TAFA4: variants seen among roughly 807,000 people sequenced by gnomAD.
The protein encoded by TAFA4 is TAFA chemokine like family member 4, also known as chemokine-like protein TAFA-4.
TAFA4 carries 20 observed loss-of-function variants against 21.1 expected under a neutral mutation model. That is an observed-to-expected ratio of 0.95 (90% CI 0.67 to 1.38). The LOEUF (loss-of-function observed/expected upper bound fraction) is 1.38. TAFA4 is among the 40% of genes most tolerant of loss of function. The pLI is 0.00. For missense variants in TAFA4, 211 were observed against 180.9 expected, an observed-to-expected ratio of 1.17 and a Z score of -0.95; for synonymous variants, 71 against 67.4, an observed-to-expected ratio of 1.05 and a Z score of -0.26.
intron 5 of TAFA4, among the ~76,000 whole-genome samples, chr3:68,736,507 T>G (rs1702243567): frequency 6.6e-6 from 1 of 152,178 alleles, no homozygotes; most frequent in Non-Finnish European, 1.5e-5. Context: ...AAAATAAAAT[T>G]CTGACATAGC....
At chr3:68,896,482 T>C (rs2089789950) in intron 1 of TAFA4, among the ~76,000 whole-genome samples, 1 of 152,184 alleles carries the variant, frequency 6.6e-6, no homozygotes, top group Admixed American at 6.5e-5. Context: ...AGTCTGTGAA[T>C]GAATGAATGC....
At chr3:68,849,852 T>C (rs1671719520) in intron 3 of TAFA4, among the ~76,000 whole-genome samples, 1 of 152,216 alleles carries the variant, frequency 6.6e-6, no homozygotes, top group Non-Finnish European at 1.5e-5. Context: ...TCAACAGCCC[T>C]CAACAGGTTC....
rs2089607995 is a variant in TAFA4, at chr3:68,880,764, C to T, written c.96G>A (p.Met32Ile). Residue 32 changes from methionine to isoleucine, a missense_variant, in exon 3 of 6, where the codon ATG (methionine) becomes ATA (isoleucine). Met to Ile is a conservative substitution (Grantham distance 10). Coordinates refer to ENST00000295569, the MANE Select transcript of TAFA4 (RefSeq NM_182522.5). Reference protein sequence around the residue: ...AYVLMVCCKLMSASSQHLRGH... With the variant: ...AYVLMVCCKLISASSQHLRGH... Reference sequence around the variant, plus strand: ...CCCGGAGGTGCTGGCTTGAGGCGGACATCAGCTTACAGCACACCATTAACA... The same window carrying T: ...CCCGGAGGTGCTGGCTTGAGGCGGATATCAGCTTACAGCACACCATTAACA... 1.9e-6 allele frequency: 3 copies of T among 1,613,930 alleles called. No individual in the cohort carries two copies. Among genetic ancestry groups the T allele is most frequent in the Non-Finnish European group, 1.7e-6 (2 of 1,179,960 alleles).
Position 68,789,558 on chromosome 3 carries a change from A to G in TAFA4, c.131-36540T>C, listed in dbSNP as rs186244301. On this transcript the variant is annotated intron_variant, in intron 3 of 5. Transcript: ENST00000295569. Reference sequence around the variant, plus strand: ...AAATATATGTAATTTTTATTTGTCAATTGTGCCTTAATAAAGCTGGGGGAG... The same window carrying G: ...AAATATATGTAATTTTTATTTGTCAGTTGTGCCTTAATAAAGCTGGGGGAG... 1.6e-3 allele frequency among the ~76,000 whole-genome samples: 249 copies of G among 152,300 alleles called. 1 individual carries two copies. The highest frequency in any genetic ancestry group is 5.5e-3 in the African/African-American group (227 of 41,570).
At chr3:68,739,015 G>A (rs1702294884) in intron 5 of TAFA4, 60 bp downstream of exon 5, 10 of 1,594,748 alleles carry the variant, frequency 6.3e-6, no homozygotes, top group Admixed American at 1.7e-5. Context: ...ATAAAATCAA[G>A]GGGAGAAAGC....
chr3:68,861,403 T>G (rs2089342345), intron 3 of TAFA4, among the ~76,000 whole-genome samples: 1 of 152,086 alleles, frequency 6.6e-6, no homozygotes, highest in Non-Finnish European at 1.5e-5. Context: ...TTTGATTCAA[T>G]ATTCTCTCAT....
intron 3 of TAFA4, among the ~76,000 whole-genome samples, chr3:68,808,666 C>T (rs983436562): frequency 3.3e-5 from 5 of 152,144 alleles, no homozygotes; most frequent in African/African-American, 1.2e-4. Context: ...GTTCAATTTC[C>T]ACAAACACAC....
intron 3 of TAFA4, among the ~76,000 whole-genome samples, chr3:68,824,391 G>A (rs950514391): frequency 6.6e-6 from 1 of 152,106 alleles, no homozygotes; most frequent in Non-Finnish European, 1.5e-5. Context: ...CATGTTGCTT[G>A]GCTGTGGCCC....
rs142305679 is a variant in TAFA4 at position 68,803,168 on chromosome 3, G to A, written c.131-50150C>T. On this transcript the variant is annotated intron_variant, in intron 3 of 5. Coordinates refer to ENST00000295569, the MANE Select transcript of TAFA4 (RefSeq NM_182522.5). Reference sequence around the variant, plus strand: ...ATTATTTTGTAGTTACCAGGCTTCAGTAAATAAATACATGTGAGAGCCATC... The same window carrying A: ...ATTATTTTGTAGTTACCAGGCTTCAATAAATAAATACATGTGAGAGCCATC... Among the ~76,000 whole-genome samples, 449 of 152,244 alleles carry A rather than the reference G, an allele frequency of 2.9e-3. 2 individuals are homozygous for A. The highest frequency in any genetic ancestry group is 0.01 in the African/African-American group (428 of 41,550).
intron 3 of TAFA4, among the ~76,000 whole-genome samples, chr3:68,778,549 G>C (rs34006637): frequency 6.6e-6 from 1 of 152,114 alleles, no homozygotes; most frequent in African/African-American, 2.4e-5. Context: ...GAATCATGGG[G>C]GTATGTCTTT....
chr3:68,756,556 T>C lies in TAFA4; in HGVS notation c.131-3538A>G, dbSNP rs963680092. On this transcript the variant is annotated intron_variant, in intron 3 of 5. Coordinates refer to ENST00000295569, the MANE Select transcript of TAFA4 (RefSeq NM_182522.5). ...GGCTTTCCAAACAATAACCTCGATA[T>C]TATTCTGAATGTTTTCTGGACCATC... Among the ~76,000 whole-genome samples, 36 of 152,210 alleles carry C rather than the reference T, an allele frequency of 2.4e-4. 1 individual carries two copies. The highest frequency in any genetic ancestry group is 8.7e-4 in the African/African-American group (36 of 41,454).
intron 3 of TAFA4, among the ~76,000 whole-genome samples, chr3:68,770,114 AT>A (rs1455634738): frequency 3.3e-5 from 5 of 152,212 alleles, no homozygotes; most frequent in Middle Eastern, 3.2e-3. Context: ...TCTAAATATA[AT>A]CCCATCCAAA....
chr3:68,913,548 ATG>A, intron 1 of TAFA4: 1 of 152,342 alleles, frequency 6.6e-6, no homozygotes, highest in East Asian at 1.9e-4. Flanking sequence ...CAAAGACAAA[ATG>A]TGTTTTATTT....
At chr3:68,835,494 A>C (rs943163097) in intron 3 of TAFA4, among the ~76,000 whole-genome samples, 2 of 152,260 alleles carry the variant, frequency 1.3e-5, no homozygotes, top group Admixed American at 1.3e-4. Context: ...GGCTTCTAGA[A>C]GGCATAATAA....
At position 68,732,015 on chromosome 3, in the gene TAFA4, C is replaced by T. The variant is rs1240087684; in HGVS notation, c.*1127G>A. On this transcript the variant is annotated 3_prime_UTR_variant, in exon 6 of 6. Coordinates refer to ENST00000295569, the MANE Select transcript of TAFA4 (RefSeq NM_182522.5). ...ATATAAAATTCATCCCATATTTTTA[C>T]AGTAGTATGTACTTTAACAACATTA... 6.6e-6 allele frequency: 1 copy of T among 152,450 alleles called. No homozygotes were observed. Among genetic ancestry groups the T allele is most frequent in the Non-Finnish European group, 1.5e-5 (1 of 68,010 alleles). 9.4% of individuals were successfully genotyped at this position (152,450 alleles called of 1,614,324 possible). A position where few individuals can be genotyped will look rare whatever the true frequency, so the allele number is the denominator to read the frequency against.
At chr3:68,742,380 T>TA (rs763328883) in intron 4 of TAFA4, among the ~76,000 whole-genome samples, 7 of 96,750 alleles carry the variant, frequency 7.2e-5, no homozygotes, top group Non-Finnish European at 1.1e-4. Context: ...CACAGTCTTA[T>TA]ATATAGGAAG....
chr3:68,836,472 C>G (rs9854731), intron 3 of TAFA4, among the ~76,000 whole-genome samples: 2 of 152,308 alleles, frequency 1.3e-5, no homozygotes, highest in Non-Finnish European at 2.9e-5. Flanking sequence ...AGAACTTCCT[C>G]TAAGGGTCAC....
chr3:68,760,069 C>G (rs1214583928), intron 3 of TAFA4, among the ~76,000 whole-genome samples: 3 of 151,924 alleles, frequency 2.0e-5, no homozygotes, highest in African/African-American at 7.3e-5. Flanking sequence ...ATTTTCTGTT[C>G]AAAAAAGAAG....
chr3:68,846,773 C>T (rs561198653), intron 3 of TAFA4, among the ~76,000 whole-genome samples: 2 of 152,278 alleles, frequency 1.3e-5, no homozygotes, highest in Non-Finnish European at 1.5e-5. Context: ...AACAGTCAGG[C>T]CCCTCTGCTG....
Sources: gnomAD v4.1 joint callset for allele counts (sites outside exome capture counted in the v4.1 genomes callset) on GRCh38, gnomAD v4.1.1 for gene constraint, MANE v1.5 for transcripts, NCBI Gene and HGNC (gene_info 2026-07-23, HGNC 2026-07-21) for gene names.